The following ZNF804B variants were observed in gnomAD, a reference collection of about 807,000 sequenced individuals.
The protein encoded by ZNF804B is zinc finger protein 804B.
In ZNF804B, 80 loss-of-function variants were observed where a neutral mutation model predicts 101.4. The observed-to-expected ratio is 0.79, with a 90% CI of 0.66 to 0.95. ZNF804B has a LOEUF of 0.95. Among genes scored for constraint, ZNF804B ranks in the 40% least tolerant of loss-of-function variants. ZNF804B has a pLI of 0.00. For missense variants in ZNF804B, 1,673 were observed against 1,561.9 expected, an observed-to-expected ratio of 1.07 and a Z score of -1.20; for synonymous variants, 622 against 558.8, an observed-to-expected ratio of 1.11 and a Z score of -1.59.
chr7:89,263,515 C>A (rs1164218390), intron 2 of ZNF804B, among the ~76,000 whole-genome samples: 1 of 151,624 alleles, frequency 6.6e-6, no homozygotes, highest in Admixed American at 6.6e-5. Context: ...GTATTCAAGT[C>A]TGCTATGTTG....
intron 2 of ZNF804B, among the ~76,000 whole-genome samples, chr7:89,323,048 C>T (rs1396284796): frequency 1.3e-5 from 2 of 152,196 alleles, no homozygotes; most frequent in Admixed American, 6.6e-5. Flanking sequence ...GCGTAGCCTT[C>T]GTGAGTGGGA....
chr7:89,067,587 T>C (rs948526339), intron 1 of ZNF804B, among the ~76,000 whole-genome samples: 1 of 152,136 alleles, frequency 6.6e-6, no homozygotes, highest in African/African-American at 2.4e-5. Flanking sequence ...CAAAGTTGTC[T>C]CTTCCTGGAA....
chr7:89,241,863 T>C (rs1323211994), intron 2 of ZNF804B, among the ~76,000 whole-genome samples: 3 of 151,556 alleles, frequency 2.0e-5, no homozygotes, highest in Non-Finnish European at 2.9e-5. Context: ...TAATGTTCAA[T>C]GAATGGTTAT....
intron 1 of ZNF804B, among the ~76,000 whole-genome samples, chr7:88,886,083 A>T (rs1278528079): frequency 6.6e-6 from 1 of 152,146 alleles, no homozygotes; most frequent in Non-Finnish European, 1.5e-5. Context: ...ATAAGATATG[A>T]ACATAATTTA....
At chr7:88,836,168 A>C (rs1281454749) in intron 1 of ZNF804B, among the ~76,000 whole-genome samples, 1 of 151,958 alleles carries the variant, frequency 6.6e-6, no homozygotes, top group Non-Finnish European at 1.5e-5. Context: ...ACGTTTTGAG[A>C]TAATAGGTTA....
chr7:88,917,932 C>T (rs1792660341), intron 1 of ZNF804B, among the ~76,000 whole-genome samples: 1 of 151,940 alleles, frequency 6.6e-6, no homozygotes, highest in Non-Finnish European at 1.5e-5. Context: ...TAGTCAATAT[C>T]TGAAAGAGAG....
At chr7:88,865,795 C>T (rs1791717946) in intron 1 of ZNF804B, among the ~76,000 whole-genome samples, 2 of 152,148 alleles carry the variant, frequency 1.3e-5, no homozygotes, top group Non-Finnish European at 2.9e-5. Context: ...ATCTTTTCTA[C>T]TTTTTTATGT....
chr7:88,805,641 A>G lies in ZNF804B; in HGVS notation c.108+45557A>G, dbSNP rs17164476. Among the ~76,000 whole-genome samples the G allele has an allele frequency of 2.6e-3, 395 of 152,296 alleles. 11 individuals are homozygous for G. Among genetic ancestry groups the G allele is most frequent in the East Asian group, 0.02 (103 of 5,184 alleles). ...TGAAGACAATTTTGTGAAAATATAAAAGGGTGATGAAGTAGAGCACAGTGT... is the reference window on the plus strand; with the variant it reads ...TGAAGACAATTTTGTGAAAATATAAGAGGGTGATGAAGTAGAGCACAGTGT... On this transcript the variant is annotated intron_variant, in intron 1 of 3. Coordinates refer to ENST00000333190, the MANE Select transcript of ZNF804B (RefSeq NM_181646.5).
chr7:88,987,887 A>G (rs1793787102), intron 1 of ZNF804B, among the ~76,000 whole-genome samples: 1 of 151,996 alleles, frequency 6.6e-6, no homozygotes, highest in Non-Finnish European at 1.5e-5. Flanking sequence ...CCCATTAACC[A>G]AACCTTCTTA....
chr7:88,880,916 C>A (rs1001663503), intron 1 of ZNF804B, among the ~76,000 whole-genome samples: 1 of 151,840 alleles, frequency 6.6e-6, no homozygotes, highest in Admixed American at 6.6e-5. Context: ...ATTCTTTAAA[C>A]GTTAAGGCAT....
At chr7:89,125,650 T>C (rs1024271058) in intron 1 of ZNF804B, among the ~76,000 whole-genome samples, 1 of 151,992 alleles carries the variant, frequency 6.6e-6, no homozygotes, top group Non-Finnish European at 1.5e-5. Flanking sequence ...AAAAAGTAAG[T>C]TTTTATTATT....
At chr7:89,227,311 A>G (rs374283038) in intron 2 of ZNF804B, among the ~76,000 whole-genome samples, 82 of 152,310 alleles carry the variant, frequency 5.4e-4, no homozygotes, top group African/African-American at 1.8e-3. Flanking sequence ...GCTATATGCC[A>G]TCTTGTATCC....
chr7:88,957,029 T>C (rs141337674), intron 1 of ZNF804B, among the ~76,000 whole-genome samples: 74 of 151,596 alleles, frequency 4.9e-4, no homozygotes, highest in Non-Finnish European at 8.4e-4. Context: ...AATTTTTTGA[T>C]ACACTTTGAA....
Position 89,330,724 on chromosome 7 carries a change from CTT to C in ZNF804B, c.381-2638_381-2637del, listed in dbSNP as rs536221032. On this transcript the variant is annotated intron_variant, in intron 3 of 3. Transcript: ENST00000333190. Reference sequence around the variant, plus strand: ...TAACAATAAGGACAAAATGTTAAAACTTGTGAAAAATCTGTAATTATAAATGC... The same window carrying C: ...TAACAATAAGGACAAAATGTTAAAACGTGAAAAATCTGTAATTATAAATGC... Among the ~76,000 whole-genome samples the C allele has an allele frequency of 3.1e-3, 475 of 151,258 alleles. 2 individuals carry two copies. The highest frequency in any genetic ancestry group is 0.011 in the African/African-American group (445 of 41,436).
chr7:89,263,351 A>G (rs564797092), intron 2 of ZNF804B, among the ~76,000 whole-genome samples: 1 of 138,368 alleles, frequency 7.2e-6, no homozygotes, highest in Middle Eastern at 3.5e-3. Flanking sequence ...GTGCTTTGAT[A>G]TGGCTTTTTT....
intron 1 of ZNF804B, among the ~76,000 whole-genome samples, chr7:88,982,387 C>A (rs1204889475): frequency 2.6e-5 from 4 of 152,064 alleles, no homozygotes; most frequent in African/African-American, 7.2e-5. Flanking sequence ...TTTTCTCAGG[C>A]TGCCATAACA....
At chr7:89,161,591 G>A (rs1584024480) in intron 1 of ZNF804B, among the ~76,000 whole-genome samples, 1 of 151,884 alleles carries the variant, frequency 6.6e-6, no homozygotes, top group Admixed American at 6.6e-5. Context: ...GTTTCATTAT[G>A]TTACCCAGAC....
chr7:88,958,492 C>G (rs1050852735), intron 1 of ZNF804B, among the ~76,000 whole-genome samples: 1 of 151,472 alleles, frequency 6.6e-6, no homozygotes, highest in Non-Finnish European at 1.5e-5. Flanking sequence ...TCACACAGAG[C>G]CATCCATAGA....
chr7:89,142,254 G>A (rs1455327196), intron 1 of ZNF804B, among the ~76,000 whole-genome samples: 3 of 151,388 alleles, frequency 2.0e-5, no homozygotes, highest in Non-Finnish European at 4.4e-5. Flanking sequence ...GTTTCTTCAG[G>A]GTTTCTTTTT....
Sources: allele counts gnomAD v4.1 joint callset (sites outside exome capture counted in the v4.1 genomes callset), GRCh38; gene constraint gnomAD v4.1.1; transcripts MANE v1.5; gene names NCBI Gene and HGNC (gene_info 2026-07-23, HGNC 2026-07-21).